The following EYS variants were observed in gnomAD, a reference collection of about 807,000 sequenced individuals.
EYS encodes the protein EGF-like photoreceptor maintenance factor.
EYS carries 250 observed loss-of-function variants against 282.1 expected under a neutral mutation model. The observed-to-expected ratio is 0.89, with a 90% CI of 0.80 to 0.98. The LOEUF (loss-of-function observed/expected upper bound fraction) is 0.98. Among genes scored for constraint, EYS ranks in the 50% least tolerant of loss-of-function variants. The pLI, the probability that EYS is intolerant of heterozygous loss-of-function variation, is 0.00. For synonymous variants in EYS, 1,355 were observed against 1,282.9 expected (o/e 1.06, Z -1.20); for missense variants, 4,016 against 3,709.0 (o/e 1.08, Z -2.15).
At chr6:64,128,456 T>A (rs1773857251) in intron 31 of EYS, among the ~76,000 whole-genome samples, 1 of 152,152 alleles carries the variant, frequency 6.6e-6, no homozygotes, top group South Asian at 2.1e-4. Context: ...ATCCCTCAGA[T>A]GGCCTGTTCA....
At chr6:65,009,339 A>G (rs1771790629) in intron 13 of EYS, among the ~76,000 whole-genome samples, 1 of 152,126 alleles carries the variant, frequency 6.6e-6, no homozygotes, top group Admixed American at 6.5e-5. Context: ...AAGAAACCCC[A>G]TGGATAATAG....
intron 29 of EYS, among the ~76,000 whole-genome samples, chr6:64,345,472 T>A (rs1412874108): frequency 6.6e-6 from 1 of 152,106 alleles, no homozygotes; most frequent in Non-Finnish European, 1.5e-5. Flanking sequence ...ATTTAATAAA[T>A]GGTGCTGGGA....
At chr6:64,728,887 T>TGGGGAGGGGAGCTGGAAAGCAGATGGAG (rs1771860794) in intron 22 of EYS, 1 of 152,116 alleles carries the variant, frequency 6.6e-6, no homozygotes, top group Non-Finnish European at 1.5e-5. Context: ...TGGCTCTCTG[T>TGGGGAGGGGAGCTGGAAAGCAGATGGAG]GGGGAGGGGA....
intron 19 of EYS, among the ~76,000 whole-genome samples, chr6:64,864,815 C>T (rs530010320): frequency 1.7e-4 from 26 of 151,842 alleles, no homozygotes; most frequent in African/African-American, 5.1e-4. Flanking sequence ...GCAGTTGGAT[C>T]ACCTGAGGTC....
intron 5 of EYS, among the ~76,000 whole-genome samples, chr6:65,442,947 C>A (rs891080763): frequency 5.0e-5 from 7 of 138,718 alleles, no homozygotes; most frequent in African/African-American, 1.8e-4. Context: ...TACGTATATA[C>A]ATGCACATAC....
chr6:64,408,544 A>G (rs1205865126), intron 28 of EYS, among the ~76,000 whole-genome samples: 1 of 152,192 alleles, frequency 6.6e-6, no homozygotes, highest in Non-Finnish European at 1.5e-5. Flanking sequence ...GGGTACAGGG[A>G]TAGTATAAAT....
intron 2 of EYS, among the ~76,000 whole-genome samples, chr6:65,547,756 A>T (rs1768447748): frequency 6.6e-6 from 1 of 152,140 alleles, no homozygotes; most frequent in Non-Finnish European, 1.5e-5. Context: ...TTTCAGGTTA[A>T]GGGAATCAAA....
At chr6:64,870,436 A>C (rs1766559268) in intron 19 of EYS, among the ~76,000 whole-genome samples, 3 of 151,102 alleles carry the variant, frequency 2.0e-5, no homozygotes, top group African/African-American at 4.8e-5. Flanking sequence ...CCAAAAAAAA[A>C]AAAACAAAAA....
At position 64,987,246 on chromosome 6, in the gene EYS, C is replaced by T. The variant is rs555471554; in HGVS notation, c.2259+10336G>A. 6.6e-5 allele frequency among the ~76,000 whole-genome samples: 10 copies of T among 151,612 alleles called. 1 individual carries two copies. The South Asian group carries it at 1.7e-3, about 25-fold the overall frequency. On this transcript the variant is annotated intron_variant, in intron 14 of 42. Transcript: ENST00000503581. ...TTCTTGCTACACCTCTCAGTGCAAG[C>T]TTCCATGCAGATAAGCATTGGCTGG...
intron 22 of EYS, among the ~76,000 whole-genome samples, chr6:64,635,567 A>C (rs954196645): frequency 9.2e-5 from 14 of 152,238 alleles, no homozygotes; most frequent in African/African-American, 3.1e-4. Context: ...CCTTCTCTGC[A>C]TCTATTGAGA....
rs570998943 is a variant in EYS, at chr6:64,064,756, T to C, written c.6725+1582A>G. On this transcript the variant is annotated intron_variant, in intron 33 of 42. Coordinates refer to ENST00000503581, the MANE Select transcript of EYS (RefSeq NM_001142800.2). ...ATTTAACCCCCGAATAGCAATTATTTCATGTATAACTGAAAGTACTATTGT... is the reference window on the plus strand; with the variant it reads ...ATTTAACCCCCGAATAGCAATTATTCCATGTATAACTGAAAGTACTATTGT... Among the ~76,000 whole-genome samples the C allele has an allele frequency of 1.4e-4, 22 of 152,312 alleles. 1 individual carries two copies. In the South Asian group the frequency reaches 4.6e-3, roughly 32 times the overall value.
In EYS at chr6:65,153,363, A is replaced by ATGTG. The variant is rs67661407; in HGVS notation, c.2024-95640_2024-95637dup. Among the ~76,000 whole-genome samples the ATGTG allele has an allele frequency of 6.7e-3, 907 of 135,836 alleles. 5 individuals carry two copies. Among genetic ancestry groups the ATGTG allele is most frequent in the African/African-American group, 0.016 (587 of 36,998 alleles). 89.1% of individuals were successfully genotyped at this position (135,836 alleles called of 152,430 possible). Reference sequence around the variant, plus strand: ...ACCCACAGAAATTCAGAGATCATAAATGTGTGTGTGTGTGTGTGTGTGTGT... The same window carrying ATGTG: ...ACCCACAGAAATTCAGAGATCATAAATGTGTGTGTGTGTGTGTGTGTGTGTGTGT... On this transcript the variant is annotated intron_variant, in intron 12 of 42. Transcript: ENST00000503581.
intron 35 of EYS, among the ~76,000 whole-genome samples, chr6:63,939,393 G>T (rs1765167762): frequency 6.6e-6 from 1 of 152,154 alleles, no homozygotes; most frequent in Admixed American, 6.5e-5. Flanking sequence ...AGTTGGAAAG[G>T]ATGGCACTGT....
At chr6:65,123,756 ACC>A (rs1554157086) in intron 12 of EYS, among the ~76,000 whole-genome samples, 66 of 137,598 alleles carry the variant, frequency 4.8e-4, no homozygotes, top group Middle Eastern at 7.5e-3. Context: ...ACACCCACCC[ACC>A]CACACACACA....
intron 26 of EYS, among the ~76,000 whole-genome samples, chr6:64,459,621 T>TG (rs759284507): frequency 8.5e-5 from 13 of 152,106 alleles, no homozygotes; most frequent in Non-Finnish European, 1.8e-4. Flanking sequence ...GGAAAATCAC[T>TG]GGTGTAAGTC....
At chr6:64,380,705 T>C (rs1002160076) in intron 29 of EYS, among the ~76,000 whole-genome samples, 2 of 152,162 alleles carry the variant, frequency 1.3e-5, no homozygotes, top group Admixed American at 6.5e-5. Context: ...CTGATTGTTA[T>C]AATACAGGCA....
intron 31 of EYS, among the ~76,000 whole-genome samples, chr6:64,188,774 A>G (rs2150315409): frequency 6.6e-6 from 1 of 152,280 alleles, no homozygotes; most frequent in African/African-American, 2.4e-5. Flanking sequence ...AGAATAAATG[A>G]ACGTGTATGC....
chr6:63,952,952 TC>T (rs1304354191), intron 35 of EYS, among the ~76,000 whole-genome samples: 3 of 152,160 alleles, frequency 2.0e-5, no homozygotes, highest in African/African-American at 7.2e-5. Context: ...CTATAAACTC[TC>T]CTGACAATTC....
intron 29 of EYS, among the ~76,000 whole-genome samples, chr6:64,349,252 C>A (rs651264): frequency 6.6e-6 from 1 of 150,750 alleles, no homozygotes; most frequent in South Asian, 2.1e-4. Flanking sequence ...TCTTGCTATC[C>A]GTATTGTTTA....
Sources: allele counts gnomAD v4.1 joint callset (sites outside exome capture counted in the v4.1 genomes callset), GRCh38; gene constraint gnomAD v4.1.1; transcripts MANE v1.5; gene names NCBI Gene and HGNC (gene_info 2026-07-23, HGNC 2026-07-21).